SNTG2: variants seen among roughly 807,000 people sequenced by gnomAD.
The protein encoded by SNTG2 is syntrophin gamma 2.
SNTG2 carries 74 observed loss-of-function variants against 70.9 expected under a neutral mutation model. The observed-to-expected ratio is 1.04, with a 90% CI of 0.86 to 1.27. SNTG2 has a LOEUF of 1.27. Among genes scored for constraint, SNTG2 ranks in the 50% most tolerant of loss-of-function variants. The probability of loss-of-function intolerance (pLI) is 0.00; values close to 1 mark genes in which losing one functional copy is unlikely to be tolerated. For synonymous variants in SNTG2, 278 were observed against 273.8 expected (o/e 1.02, Z -0.15); for missense variants, 717 against 690.7 (o/e 1.04, Z -0.43).
At chr2:1,037,684 A>G (rs1255725739) in intron 1 of SNTG2, among the ~76,000 whole-genome samples, 1 of 152,102 alleles carries the variant, frequency 6.6e-6, no homozygotes, top group Non-Finnish European at 1.5e-5. Flanking sequence ...TTATATACAC[A>G]TAACATAGGA....
At chr2:1,281,050 C>T (rs1017683995) in intron 14 of SNTG2, among the ~76,000 whole-genome samples, 13 of 152,278 alleles carry the variant, frequency 8.5e-5, no homozygotes, top group Middle Eastern at 3.4e-3. Context: ...TTGTGCTTGT[C>T]GCGGGGTCAA....
At chr2:1,069,412 T>C (rs1244918198) in intron 1 of SNTG2, among the ~76,000 whole-genome samples, 1 of 151,508 alleles carries the variant, frequency 6.6e-6, no homozygotes, top group Non-Finnish European at 1.5e-5. Flanking sequence ...AACTGAACTA[T>C]ATTCTCATTA....
chr2:1,362,289 C>T (rs1661219574), intron 16 of SNTG2, among the ~76,000 whole-genome samples: 1 of 151,886 alleles, frequency 6.6e-6, no homozygotes, highest in African/African-American at 2.4e-5. Context: ...TTCAATAGAA[C>T]TTCCATGAAG....
chr2:1,002,900 A>T (rs1420385410), intron 1 of SNTG2, among the ~76,000 whole-genome samples: 1 of 151,452 alleles, frequency 6.6e-6, no homozygotes, highest in African/African-American at 2.4e-5. Flanking sequence ...ATATATATAT[A>T]TTTATATAGT....
rs1360338598 is a variant in SNTG2, at chr2:973,853, CATTT to C, written c.72+22787_72+22790del. 2.0e-5 allele frequency among the ~76,000 whole-genome samples: 3 copies of C among 152,234 alleles called. No individual in the cohort carries two copies. In the East Asian group the frequency reaches 5.8e-4, roughly 29 times the overall value. On this transcript the variant is annotated intron_variant, in intron 1 of 16. Coordinates refer to ENST00000308624, the MANE Select transcript of SNTG2 (RefSeq NM_018968.4). The stretch of plus-strand genomic sequence containing the variant: ...GCTGATGCTCTGTATTGCTTTCATT[CATTT>C]AGTTTTGTCTTTTAAATGTCTAGGT...
chr2:1,198,610 T>G (rs995736687), intron 8 of SNTG2, among the ~76,000 whole-genome samples: 1 of 151,830 alleles, frequency 6.6e-6, no homozygotes, highest in Admixed American at 6.6e-5. Context: ...GCACAAAGAT[T>G]AATAAAAGTT....
intron 14 of SNTG2, among the ~76,000 whole-genome samples, chr2:1,298,870 T>C (rs1221249943): frequency 1.3e-5 from 2 of 151,928 alleles, no homozygotes; most frequent in African/African-American, 2.4e-5. Flanking sequence ...GGCAGAAAAA[T>C]GTGAAAAGGA....
chr2:1,145,453 A>G (rs1669036606), intron 6 of SNTG2, among the ~76,000 whole-genome samples: 1 of 152,212 alleles, frequency 6.6e-6, no homozygotes, highest in Non-Finnish European at 1.5e-5. Flanking sequence ...AAATTTGATA[A>G]CCTGGATAAA....
At chr2:1,067,371 CAT>C (rs1241263922) in intron 1 of SNTG2, among the ~76,000 whole-genome samples, 21 of 152,300 alleles carry the variant, frequency 1.4e-4, no homozygotes, top group African/African-American at 5.1e-4. Context: ...ATTACAAAAA[CAT>C]ATATTTACAC....
intron 16 of SNTG2, among the ~76,000 whole-genome samples, chr2:1,365,620 C>T (rs1209788928): frequency 6.6e-6 from 1 of 152,116 alleles, no homozygotes; most frequent in East Asian, 1.9e-4. Context: ...TTAGAACAAG[C>T]TTCAGGTATT....
intron 8 of SNTG2, among the ~76,000 whole-genome samples, chr2:1,199,097 A>G (rs1673116202): frequency 6.7e-6 from 1 of 149,922 alleles, no homozygotes; most frequent in Non-Finnish European, 1.5e-5. Flanking sequence ...CAACAGGCCA[A>G]TATTTCTGAT....
chr2:1,114,993 C>T (rs1666844636), intron 4 of SNTG2, among the ~76,000 whole-genome samples: 1 of 151,500 alleles, frequency 6.6e-6, no homozygotes, highest in African/African-American at 2.4e-5. Flanking sequence ...AGGTTTAATC[C>T]TTACAGTCCT....
At chr2:1,232,777 T>C (rs373973906) in intron 9 of SNTG2, among the ~76,000 whole-genome samples, 1 of 152,292 alleles carries the variant, frequency 6.6e-6, no homozygotes, top group East Asian at 1.9e-4. Context: ...TAAAATAAAA[T>C]ATGTGAACGA....
intron 13 of SNTG2, among the ~76,000 whole-genome samples, chr2:1,261,111 T>G (rs1020152854): frequency 6.6e-6 from 1 of 152,132 alleles, no homozygotes; most frequent in Non-Finnish European, 1.5e-5. Flanking sequence ...TAATAATAAA[T>G]CTATGGCATT....
At chr2:1,155,124 T>G (rs1669784643) in intron 6 of SNTG2, among the ~76,000 whole-genome samples, 1 of 132,132 alleles carries the variant, frequency 7.6e-6, no homozygotes, top group Non-Finnish European at 1.5e-5. Context: ...CACATATACA[T>G]ACAACACAAA....
chr2:1,281,399 A>G (rs1029008446), intron 14 of SNTG2, among the ~76,000 whole-genome samples: 570 of 3,382 alleles, frequency 0.17, no homozygotes, highest in Non-Finnish European at 0.2. Context: ...GTGTGTGTTT[A>G]TGTGGTGTGT....
chr2:1,244,412 G>T (rs1244455442), intron 11 of SNTG2, among the ~76,000 whole-genome samples: 1 of 151,982 alleles, frequency 6.6e-6, no homozygotes, highest in African/African-American at 2.4e-5. Context: ...TTAAAAGTTT[G>T]CAGGCCGGGC....
At chr2:1,285,954 C>T (rs1679747560) in intron 14 of SNTG2, among the ~76,000 whole-genome samples, 1 of 152,214 alleles carries the variant, frequency 6.6e-6, no homozygotes, top group South Asian at 2.1e-4. Context: ...GCGTACTCTT[C>T]CTTACCTCTG....
intron 12 of SNTG2, among the ~76,000 whole-genome samples, chr2:1,255,927 A>AATAT (rs1246151897): frequency 1.1e-4 from 4 of 36,708 alleles, no homozygotes; most frequent in African/African-American, 2.9e-4. Flanking sequence ...TAAATATATA[A>AATAT]ATATATAAAT....
Sources: allele counts gnomAD v4.1 joint callset (sites outside exome capture counted in the v4.1 genomes callset), GRCh38; gene constraint gnomAD v4.1.1; transcripts MANE v1.5; gene names NCBI Gene and HGNC (gene_info 2026-07-23, HGNC 2026-07-21).